Variants in ATP7A observed in about 807,000 individuals in gnomAD.
The protein encoded by ATP7A is copper-transporting ATPase 1.
ATP7A carries 7 observed loss-of-function variants against 83.5 expected under a neutral mutation model. The ratio of observed to expected loss-of-function variants is 0.08; its 90% CI spans 0.05 to 0.16. The LOEUF (loss-of-function observed/expected upper bound fraction) is 0.16, where lower values mean the gene tolerates loss of function less well. Ranked by LOEUF, ATP7A falls within the 10% of genes least tolerant of loss-of-function variation. The pLI is 1.00. For synonymous variants in ATP7A, 354 were observed against 395.2 expected, an observed-to-expected ratio of 0.90 and a Z score of 1.24; for missense variants, 940 against 1,120.8, an observed-to-expected ratio of 0.84 and a Z score of 2.30.
chrX:77,932,509 C>T lies in ATP7A; in HGVS notation c.-22+21674C>T, dbSNP rs782133741. On this transcript the variant is annotated intron_variant, in intron 1 of 22. Coordinates refer to ENST00000341514, the MANE Select transcript of ATP7A (RefSeq NM_000052.7). ...CTCACTTCCCAGACGGGGTGGCGGC[C>T]GGGCAGAGGCTGCAATCTCGGCACT... 8.0e-5 allele frequency among the ~76,000 whole-genome samples: 9 copies of T among 112,673 alleles called. No individual in the cohort carries two copies. The East Asian group carries it at 8.5e-4, about 11-fold the overall frequency.
At chrX:77,959,569 T>C (rs1332021908) in intron 1 of ATP7A, among the ~76,000 whole-genome samples, 2 of 112,193 alleles carry the variant, frequency 1.8e-5, no homozygotes, top group African/African-American at 3.2e-5. Flanking sequence ...GCACTCTGAG[T>C]TGTGACAACC....
chrX:78,031,100 C>T (rs1402621499), intron 15 of ATP7A, among the ~76,000 whole-genome samples: 1 of 111,687 alleles, frequency 9.0e-6, no homozygotes, highest in African/African-American at 3.3e-5. Context: ...CTAGAGGCGT[C>T]TCTTAATTAC....
chrX:77,911,745 A>G (rs1389978139), intron 1 of ATP7A, among the ~76,000 whole-genome samples: 1 of 110,758 alleles, frequency 9.0e-6, no homozygotes. Context: ...GGAGATCGAG[A>G]CCAGCCTGGC....
chrX:77,934,518 G>A (rs2077309315), intron 1 of ATP7A, among the ~76,000 whole-genome samples: 1 of 111,612 alleles, frequency 9.0e-6, no homozygotes, highest in Non-Finnish European at 1.9e-5. Flanking sequence ...ATGATGTCTT[G>A]TTCTGTTATG....
chrX:77,939,888 A>AC (rs1557225481), intron 1 of ATP7A, among the ~76,000 whole-genome samples: 1 of 96,788 alleles, frequency 1.0e-5, no homozygotes, highest in Non-Finnish European at 2.1e-5. Flanking sequence ...TTTGGGGGGG[A>AC]CCCCCCAAAA....
intron 15 of ATP7A, among the ~76,000 whole-genome samples, chrX:78,030,835 G>T (rs898687086): frequency 1.8e-5 from 2 of 108,955 alleles, no homozygotes; most frequent in African/African-American, 6.7e-5. Flanking sequence ...GGGATTACAG[G>T]CATGCACCAC....
intron 1 of ATP7A, among the ~76,000 whole-genome samples, chrX:77,911,587 G>T (rs1255227021): frequency 1.9e-5 from 2 of 107,774 alleles, no homozygotes; most frequent in Admixed American, 2.0e-4. Context: ...CGGGTGCGGG[G>T]GGGTGGTGGG....
intron 14 of ATP7A, among the ~76,000 whole-genome samples, chrX:78,025,996 C>T (rs1557236297): frequency 9.0e-6 from 1 of 111,396 alleles, no homozygotes; most frequent in African/African-American, 3.3e-5. Flanking sequence ...TATATAAATA[C>T]AAAGCTCACA....
chrX:78,033,552 T>G, intron 16 of ATP7A, 53 bp from the exon 17 acceptor site: 2 of 1,112,675 alleles, frequency 1.8e-6, no homozygotes, highest in East Asian at 6.0e-5. Context: ...TGCTAATGAA[T>G]GACCTTGCAT....
intron 19 of ATP7A, among the ~76,000 whole-genome samples, chrX:78,042,116 C>CAAAAA (rs1156427861): frequency 1.2e-4 from 6 of 51,910 alleles, no homozygotes; most frequent in South Asian, 1.2e-3. Context: ...GACTCTGTCT[C>CAAAAA]AAAAAAAAAA....
chrX:78,005,700 A>AG (rs2077770095), intron 6 of ATP7A, among the ~76,000 whole-genome samples: 1 of 105,495 alleles, frequency 9.5e-6, no homozygotes, highest in Non-Finnish European at 1.9e-5. Context: ...AAAAAAAAAA[A>AG]AAAAAAGAAA....
rs1557235696 is a variant in ATP7A at position 78,020,931 on chromosome X, A to G, written c.2782-14A>G. On this transcript the variant is annotated splice_polypyrimidine_tract_variant and intron_variant, in intron 13 of 22. Coordinates refer to ENST00000341514, the MANE Select transcript of ATP7A (RefSeq NM_000052.7). ...GCTTCTTCTTCTTATTATTGTTGTTATTTTTAATTCTAGGCTCCTATCCAG... is the reference window on the plus strand; with the variant it reads ...GCTTCTTCTTCTTATTATTGTTGTTGTTTTTAATTCTAGGCTCCTATCCAG... The G allele has an allele frequency of 2.5e-6, 3 of 1,198,991 alleles. No individual in the cohort carries two copies. Among genetic ancestry groups the G allele is most frequent in the Admixed American group, 4.4e-5 (2 of 45,621 alleles).
chrX:78,010,909 A>G (rs1320441874), intron 7 of ATP7A, among the ~76,000 whole-genome samples: 1 of 110,760 alleles, frequency 9.0e-6, no homozygotes, highest in Non-Finnish European at 1.9e-5. Context: ...TATTAATGAG[A>G]ACCTCTACTG....
intron 17 of ATP7A, among the ~76,000 whole-genome samples, chrX:78,035,095 C>T (rs111784727): frequency 0.25 from 27,888 of 110,428 alleles, 2,693 homozygotes; most frequent in South Asian, 0.35. Flanking sequence ...TTTCAAATGT[C>T]GTATGTCGTC....
At chrX:77,980,170 G>T (rs1430863313) in intron 2 of ATP7A, among the ~76,000 whole-genome samples, 1 of 112,129 alleles carries the variant, frequency 8.9e-6, no homozygotes, top group Non-Finnish European at 1.9e-5. Flanking sequence ...ATTAGATAAA[G>T]GCTATAGTCC....
rs187912611 is a variant in ATP7A, at chrX:78,007,969, A to T, written c.1708-1133A>T. ...TCTTTTAGTTATTTTTAAATGTATG[A>T]TTAAGTTATTATTGACTATAGTCAT... On this transcript the variant is annotated intron_variant, in intron 6 of 22. Transcript: ENST00000341514. 2.1e-4 allele frequency among the ~76,000 whole-genome samples: 24 copies of T among 112,280 alleles called. 1 individual carries two copies. The highest frequency in any genetic ancestry group is 4.1e-4 in the Non-Finnish European group (22 of 53,268).
rs1445955792 is a variant in ATP7A, at chrX:78,013,091, A to G, written c.2385A>G (p.Arg795=). 4.1e-6 allele frequency: 5 copies of G among 1,205,871 alleles called. No homozygotes were observed. Among genetic ancestry groups the G allele is most frequent in the African/African-American group, 3.5e-5 (2 of 57,040 alleles). ...PMLFVFIALG[R]WLEHIAKGKT... is the part of the protein sequence containing the mutation. ...TGTTTGTGTTTATTGCACTAGGCCG[A>G]TGGCTGGAACATATAGCAAAGGTAA... Residue 795 remains arginine (R), a synonymous_variant, in exon 10 of 23, where the codon CGA becomes CGG. Coordinates refer to ENST00000341514, the MANE Select transcript of ATP7A (RefSeq NM_000052.7).
At chrX:78,012,351 T>C (rs1222532413) in intron 9 of ATP7A, among the ~76,000 whole-genome samples, 4 of 111,633 alleles carry the variant, frequency 3.6e-5, no homozygotes, top group African/African-American at 1.3e-4. Context: ...ACAGATTTCG[T>C]AGCTTGTGAT....
Position 78,046,432 on chromosome X carries a change from G to C in ATP7A, c.4365G>C (p.Arg1455=). 8.3e-7 allele frequency: 1 copy of C among 1,211,435 alleles called. No homozygotes were observed. The highest frequency in any genetic ancestry group is 1.7e-5 in the African/African-American group (1 of 57,704). Residue 1455 remains arginine, a synonymous_variant, in exon 23 of 23, where the codon CGG becomes CGC. Coordinates refer to ENST00000341514, the MANE Select transcript of ATP7A (RefSeq NM_000052.7). ...RNSPKLGLLD[R]IVNYSRASIN... is the part of the protein sequence containing the mutation. ...CTCCTAAACTGGGTTTGCTGGACCG[G>C]ATTGTTAATTATAGCAGAGCCTCTA... is the stretch of plus-strand genomic sequence containing the variant.
Sources: gnomAD v4.1 joint callset for allele counts (sites outside exome capture counted in the v4.1 genomes callset) on GRCh38, gnomAD v4.1.1 for gene constraint, MANE v1.5 for transcripts, NCBI Gene and HGNC (gene_info 2026-07-23, HGNC 2026-07-21) for gene names.